Variants in ARHGEF11 observed in about 807,000 individuals in gnomAD.
The protein encoded by ARHGEF11 is Rho guanine exchange factor (GEF) 11.
ARHGEF11 carries 55 observed loss-of-function variants against 193.7 expected under a neutral mutation model. That is an observed-to-expected ratio of 0.28 (90% CI 0.23 to 0.36). ARHGEF11 has a LOEUF of 0.36. Ranked by LOEUF, ARHGEF11 falls within the 10% of genes least tolerant of loss-of-function variation. The pLI is 1.00. For missense variants in ARHGEF11, 1,723 were observed against 2,005.6 expected (o/e 0.86, Z 2.69); for synonymous variants, 693 against 768.0 (o/e 0.90, Z 1.62).
At chr1:156,937,563 T>A (rs1655740711) in intron 38 of ARHGEF11, 67 bp from the exon 39 acceptor site, 1 of 1,475,472 alleles carries the variant, frequency 6.8e-7, no homozygotes, top group African/African-American at 1.4e-5. Context: ...CTCCCGTTCC[T>A]GTGGGATTCC....
rs1658255357 is a variant in ARHGEF11 at position 156,946,993 on chromosome 1, C to T, written c.2511G>A (p.Lys837=). 1 of 1,614,098 alleles carries T rather than the reference C, an allele frequency of 6.2e-7. No individual in the cohort carries two copies. The highest frequency in any genetic ancestry group is 2.2e-5 in the East Asian group (1 of 44,896). The change falls in exon 27 of 41, where the codon AAG becomes AAA. Residue 837 remains lysine (K), a synonymous_variant. Transcript: ENST00000368194. ...EIHNSWCEAM[K]KLREEGPIIK... ...TGATGGGGCCTTCCTCCCGGAGCTT[C>T]TTCATGGCTTCACACCAGGAATCTG...
At chr1:157,037,195 C>T (rs186464491) in intron 1 of ARHGEF11, among the ~76,000 whole-genome samples, 59 of 152,194 alleles carry the variant, frequency 3.9e-4, no homozygotes, top group Non-Finnish European at 7.1e-4. Context: ...GCTACCAAAA[C>T]GTCTTGGGAA....
At chr1:156,978,627 G>A (rs551992208) in intron 5 of ARHGEF11, among the ~76,000 whole-genome samples, 2 of 152,186 alleles carry the variant, frequency 1.3e-5, no homozygotes, top group South Asian at 2.1e-4. Flanking sequence ...CTGGGAACAC[G>A]CCCCACAGGC....
chr1:156,991,967 C>T (rs1426288706), intron 1 of ARHGEF11, among the ~76,000 whole-genome samples: 6 of 151,836 alleles, frequency 4.0e-5, no homozygotes, highest in African/African-American at 9.7e-5. Context: ...CCGCCCGCCT[C>T]GGCCTCCCAA....
At chr1:156,963,407 G>A in intron 12 of ARHGEF11, 103 bp from the exon 13 acceptor site, 1 of 1,489,044 alleles carries the variant, frequency 6.7e-7, no homozygotes, top group Non-Finnish European at 9.4e-7. Context: ...CATAACAGGA[G>A]GCTCCCCGCC....
At chr1:156,941,466 C>A in intron 34 of ARHGEF11, 33 bp from the exon 35 acceptor site, 1 of 1,606,074 alleles carries the variant, frequency 6.2e-7, no homozygotes, top group South Asian at 1.1e-5. Context: ...GATGAGATCC[C>A]ATGAGATTCC....
chr1:156,995,690 T>C (rs921315374), intron 1 of ARHGEF11, among the ~76,000 whole-genome samples: 1 of 149,696 alleles, frequency 6.7e-6, no homozygotes, highest in Admixed American at 6.7e-5. Flanking sequence ...GCTCCCTGAG[T>C]AGCTGCCCAG....
chr1:156,995,167 T>A (rs1484556655), intron 1 of ARHGEF11, among the ~76,000 whole-genome samples: 2 of 152,216 alleles, frequency 1.3e-5, no homozygotes, highest in African/African-American at 4.8e-5. Context: ...CCTCCCCATG[T>A]CTACTCTAGC....
intron 1 of ARHGEF11, among the ~76,000 whole-genome samples, chr1:156,989,934 T>C (rs1490942368): frequency 1.3e-5 from 2 of 152,148 alleles, no homozygotes; most frequent in Non-Finnish European, 2.9e-5. Context: ...TTAGCCTATA[T>C]CCCCTAAGAG....
chr1:156,980,599 A>G, intron 3 of ARHGEF11, 113 bp from the exon 4 acceptor site: 2 of 1,206,246 alleles, frequency 1.7e-6, no homozygotes, highest in Non-Finnish European at 1.2e-6. Flanking sequence ...TCTCTGTGTT[A>G]AGTATCTCAA....
At chr1:157,045,919 C>G (rs1008597004), upstream of ARHGEF11, among the ~76,000 whole-genome samples, 3 of 150,916 alleles carry the variant, frequency 2.0e-5, no homozygotes, top group African/African-American at 7.3e-5. Flanking sequence ...CTGCGCTGCC[C>G]GCCGCCCGCC....
intron 1 of ARHGEF11, among the ~76,000 whole-genome samples, chr1:157,035,719 A>G (rs2103041683): frequency 6.7e-6 from 1 of 150,244 alleles, no homozygotes; most frequent in East Asian, 1.9e-4. Context: ...ATTTCCACAT[A>G]GATGGCCCTC....
At chr1:156,946,307 C>G in intron 28 of ARHGEF11, 145 bp from the exon 29 acceptor site, 1 of 691,494 alleles carries the variant, frequency 1.4e-6, no homozygotes. Flanking sequence ...AAGCTTCTTC[C>G]TTAAAGATGT....
At chr1:157,007,164 T>C (rs1245554062) in intron 1 of ARHGEF11, among the ~76,000 whole-genome samples, 1 of 151,644 alleles carries the variant, frequency 6.6e-6, no homozygotes, top group Non-Finnish European at 1.5e-5. Flanking sequence ...GAGTTAGAGA[T>C]AGAATAAATA....
At chr1:156,945,255 G>T in intron 29 of ARHGEF11, 58 bp from the exon 30 acceptor site, 6 of 1,558,108 alleles carry the variant, frequency 3.9e-6, no homozygotes, top group Non-Finnish European at 5.2e-6. Context: ...CCAACATGGC[G>T]CCAGCTGTTA....
At chr1:157,025,866 T>C (rs72700740) in intron 1 of ARHGEF11, among the ~76,000 whole-genome samples, 2,419 of 152,320 alleles carry the variant, frequency 0.016, 36 homozygotes, top group Non-Finnish European at 0.021. Context: ...TCCTTCTTCA[T>C]GCCCAGGTTC....
intron 1 of ARHGEF11, among the ~76,000 whole-genome samples, chr1:156,991,918 G>A (rs1051739875): frequency 2.7e-5 from 4 of 150,054 alleles, no homozygotes; most frequent in Non-Finnish European, 5.9e-5. Context: ...GGGTTTCACC[G>A]TTTTAGCCGG....
rs747763386 is a variant in ARHGEF11 at position 156,937,036 on chromosome 1, G to A, written c.4441-31C>T. On this transcript the variant is annotated intron_variant, in intron 39 of 40. Coordinates refer to ENST00000368194, the MANE Select transcript of ARHGEF11 (RefSeq NM_198236.3). ...AGAGTCGGCGGGGGAATGTCTGCTC[G>A]AGTCCTTCTATTCCTAAGGCCCCTG... The A allele has an allele frequency of 2.4e-5, 39 of 1,605,564 alleles. 1 individual carries two copies. The East Asian group carries it at 3.1e-4, about 13-fold the overall frequency.
In ARHGEF11 at chr1:157,045,409, G is replaced by C. The variant is rs775355932; in HGVS notation, c.-1079C>G. The C allele has an allele frequency of 6.6e-6, 1 of 152,144 alleles. No individual in the cohort carries two copies. Among genetic ancestry groups the C allele is most frequent in the Non-Finnish European group, 1.5e-5 (1 of 68,042 alleles). The allele number at this position is 152,144 out of a possible 1,614,324, so 9.4% of individuals were successfully genotyped here. A position where few individuals can be genotyped will look rare whatever the true frequency, so the allele number is the denominator to read the frequency against. Reference sequence around the variant, plus strand: ...CCTTCTCTCTCCCTCTCTCTCGCCCGGCCAGAAAGACGGCTCCCTTATTAT... The same window carrying C: ...CCTTCTCTCTCCCTCTCTCTCGCCCCGCCAGAAAGACGGCTCCCTTATTAT... On this transcript the variant is annotated 5_prime_UTR_variant, in exon 1 of 41. Coordinates refer to ENST00000368194, the MANE Select transcript of ARHGEF11 (RefSeq NM_198236.3).
Sources: allele counts gnomAD v4.1 joint callset (sites outside exome capture counted in the v4.1 genomes callset), GRCh38; gene constraint gnomAD v4.1.1; transcripts MANE v1.5; gene names NCBI Gene and HGNC (gene_info 2026-07-23, HGNC 2026-07-21).